The following CNTLN variants were observed in gnomAD, a reference collection of about 807,000 sequenced individuals.
CNTLN encodes the protein centlein, also known as centlein, centrosomal protein.
In CNTLN, 212 loss-of-function variants were observed where a neutral mutation model predicts 180.0. The ratio of observed to expected loss-of-function variants is 1.18; its 90% CI spans 1.05 to 1.32. The LOEUF (loss-of-function observed/expected upper bound fraction) is 1.32, where lower values mean the gene tolerates loss of function less well. CNTLN is among the 40% of genes most tolerant of loss of function. The pLI is 0.00. For synonymous variants in CNTLN, 722 were observed against 563.1 expected (o/e 1.28, Z -3.99); for missense variants, 2,095 against 1,610.9 (o/e 1.30, Z -5.14).
intron 6 of CNTLN, among the ~76,000 whole-genome samples, chr9:17,288,351 G>C (rs1452300191): frequency 1.7e-5 from 2 of 118,676 alleles, no homozygotes; most frequent in Non-Finnish European, 3.4e-5. Flanking sequence ...GTTCTAGTTT[G>C]ATTGCACTGC....
At chr9:17,499,101 G>A (rs894272340) in intron 25 of CNTLN, among the ~76,000 whole-genome samples, 3 of 152,102 alleles carry the variant, frequency 2.0e-5, no homozygotes, top group African/African-American at 7.2e-5. Context: ...AAAAAAATAT[G>A]GCAAACAAAT....
At chr9:17,484,781 G>A (rs1370813953) in intron 24 of CNTLN, among the ~76,000 whole-genome samples, 1 of 151,798 alleles carries the variant, frequency 6.6e-6, no homozygotes, top group Non-Finnish European at 1.5e-5. Flanking sequence ...TATATATCAT[G>A]TAAACCAGTA....
At chr9:17,255,649 G>A (rs916084509) in intron 5 of CNTLN, among the ~76,000 whole-genome samples, 12 of 151,684 alleles carry the variant, frequency 7.9e-5, no homozygotes, top group Non-Finnish European at 1.2e-4. Context: ...GTTTTCTAGC[G>A]TTGGTATCAG....
chr9:17,294,477 C>T (rs1817653306), intron 6 of CNTLN, among the ~76,000 whole-genome samples: 1 of 151,652 alleles, frequency 6.6e-6, no homozygotes, highest in Non-Finnish European at 1.5e-5. Flanking sequence ...TCCACAAACC[C>T]TGAGGTAGAC....
intron 18 of CNTLN, among the ~76,000 whole-genome samples, chr9:17,454,965 T>G (rs542834714): frequency 2.1e-4 from 32 of 152,238 alleles, no homozygotes; most frequent in Admixed American, 5.2e-4. Flanking sequence ...AATCACAATT[T>G]TAAGAGTAAT....
intron 18 of CNTLN, among the ~76,000 whole-genome samples, chr9:17,426,681 T>C (rs776329636): frequency 4.6e-5 from 7 of 152,150 alleles, no homozygotes; most frequent in Non-Finnish European, 8.8e-5. Context: ...TTATATATTC[T>C]TTCAAGTCAC....
rs565282301 is a variant in CNTLN, at chr9:17,305,187, G to T, written c.1147-3871G>T. The stretch of plus-strand genomic sequence containing the variant: ...TCTAACTTGCTTTCTGTCCCCTGGA[G>T]ATCCTTTTAACCTTTTTCACTTAAT... On this transcript the variant is annotated intron_variant, in intron 7 of 25. Transcript: ENST00000380647. Among the ~76,000 whole-genome samples the T allele has an allele frequency of 3.9e-5, 6 of 152,234 alleles. No individual in the cohort carries two copies. The South Asian group carries it at 1.2e-3, about 32-fold the overall frequency.
At chr9:17,301,053 C>G in intron 7 of CNTLN, 1 of 985,340 alleles carries the variant, frequency 1.0e-6, no homozygotes, top group South Asian at 4.7e-5. Flanking sequence ...AACTGGGGGC[C>G]TGTTCCAAGA....
At chr9:17,315,602 C>G (rs538742449) in intron 8 of CNTLN, among the ~76,000 whole-genome samples, 2 of 152,074 alleles carry the variant, frequency 1.3e-5, no homozygotes, top group African/African-American at 4.8e-5. Flanking sequence ...TGTGAGATTC[C>G]AATTACACAC....
chr9:17,300,553 A>G (rs1467236121), intron 7 of CNTLN: 2 of 152,126 alleles, frequency 1.3e-5, no homozygotes, highest in Non-Finnish European at 2.9e-5. Flanking sequence ...ACTATCACAT[A>G]TTACCTGGAT....
the CNTLN span, among the ~76,000 whole-genome samples, chr9:17,521,245 G>A: frequency 3.5e-5 from 5 of 142,450 alleles, no homozygotes; most frequent in Admixed American, 1.5e-4. Context: ...AGAAAAGCTA[G>A]AGAGAGAGAA....
intron 5 of CNTLN, among the ~76,000 whole-genome samples, chr9:17,245,969 C>T (rs1467179239): frequency 6.6e-6 from 1 of 152,036 alleles, no homozygotes; most frequent in East Asian, 1.9e-4. Context: ...TGCACTTCCT[C>T]AAAGCAACTA....
chr9:17,462,804 T>C (rs1319715370), intron 19 of CNTLN, 112 bp from the exon 20 acceptor site: 1 of 428,466 alleles, frequency 2.3e-6, no homozygotes, highest in Non-Finnish European at 4.2e-6. Context: ...TTTTAATTAT[T>C]GTTTACCATA....
At chr9:17,352,891 C>T (rs1216200243) in intron 12 of CNTLN, among the ~76,000 whole-genome samples, 1 of 152,178 alleles carries the variant, frequency 6.6e-6, no homozygotes, top group Non-Finnish European at 1.5e-5. Context: ...GTCAAAAGTT[C>T]ATTACTTTTT....
At chr9:17,254,151 G>A (rs1826326436) in intron 5 of CNTLN, among the ~76,000 whole-genome samples, 1 of 151,504 alleles carries the variant, frequency 6.6e-6, no homozygotes, top group South Asian at 2.1e-4. Flanking sequence ...GTATTATGAT[G>A]TTGACCATCT....
intron 18 of CNTLN, among the ~76,000 whole-genome samples, chr9:17,420,157 C>T (rs1828600652): frequency 6.6e-6 from 1 of 152,166 alleles, no homozygotes. Flanking sequence ...TCACATGATC[C>T]ACCCACACCA....
intron 8 of CNTLN, among the ~76,000 whole-genome samples, chr9:17,317,214 T>C (rs1819597460): frequency 6.6e-6 from 1 of 152,170 alleles, no homozygotes; most frequent in Non-Finnish European, 1.5e-5. Context: ...AGCATGTTTC[T>C]CTGAATAAGA....
At chr9:17,312,773 T>C (rs1376414025) in intron 8 of CNTLN, among the ~76,000 whole-genome samples, 1 of 152,118 alleles carries the variant, frequency 6.6e-6, no homozygotes, top group Admixed American at 6.6e-5. Flanking sequence ...TATATGTACC[T>C]GAGAATAATT....
intron 23 of CNTLN, among the ~76,000 whole-genome samples, chr9:17,480,746 C>T (rs1346358776): frequency 2.0e-5 from 3 of 152,008 alleles, no homozygotes; most frequent in Non-Finnish European, 4.4e-5. Context: ...AATTGTAAAC[C>T]CTTCTATCTG....
Sources: gnomAD v4.1 joint callset for allele counts (sites outside exome capture counted in the v4.1 genomes callset) on GRCh38, gnomAD v4.1.1 for gene constraint, MANE v1.5 for transcripts, NCBI Gene and HGNC (gene_info 2026-07-23, HGNC 2026-07-21) for gene names.